The following PFN4 variants were observed in gnomAD, a reference collection of about 807,000 sequenced individuals.
The protein encoded by PFN4 is profilin family member 4.
PFN4 carries 10 observed loss-of-function variants against 16.3 expected under a neutral mutation model. That is an observed-to-expected ratio of 0.61 (90% CI 0.38 to 1.04). The LOEUF is 1.04. PFN4 is among the 50% of genes least tolerant of loss of function. The pLI, the probability that PFN4 is intolerant of heterozygous loss-of-function variation, is 0.01. For synonymous variants in PFN4, 54 were observed against 56.9 expected (o/e 0.95, Z 0.23); for missense variants, 136 against 153.6 (o/e 0.89, Z 0.61).
intron 4 of PFN4, among the ~76,000 whole-genome samples, chr2:24,116,371 T>C (rs1178732111): frequency 6.6e-6 from 1 of 151,990 alleles, no homozygotes; most frequent in Non-Finnish European, 1.5e-5. Flanking sequence ...TGTACTCACG[T>C]TTTAAAGATG....
intron 3 of PFN4, 149 bp from the exon 4 acceptor site, chr2:24,119,831 G>A (rs1292128866): frequency 1.7e-6 from 1 of 596,894 alleles, no homozygotes; most frequent in East Asian, 2.9e-5. Context: ...TTTTCCATAT[G>A]TTTATATATC....
Position 24,123,098 on chromosome 2 carries a change from T to A in PFN4, c.-13+20A>T, listed in dbSNP as rs1183099584. 6.6e-6 allele frequency: 1 copy of A among 152,344 alleles called. No individual in the cohort carries two copies. Among genetic ancestry groups the A allele is most frequent in the Non-Finnish European group, 1.5e-5 (1 of 68,234 alleles). The allele number at this position is 152,344 out of a possible 1,614,324, so 9.4% of individuals were successfully genotyped here. On this transcript the variant is annotated intron_variant, in intron 1 of 4. Transcript: ENST00000313213. ...ATTTCCCGCACAAGTCCCCAAGCCT[T>A]GGACCCCCCTCATCAGGACCTCCGG...
At chr2:24,115,682 T>C in intron 4 of PFN4, 71 bp from the exon 5 acceptor site, 2 of 1,530,416 alleles carry the variant, frequency 1.3e-6, no homozygotes, top group Admixed American at 3.4e-5. Context: ...CATTCATCCA[T>C]TTATTATTCC....
intron 3 of PFN4, 140 bp from the exon 4 acceptor site, chr2:24,119,822 T>A: frequency 1.7e-6 from 1 of 605,174 alleles, no homozygotes; most frequent in Non-Finnish European, 2.8e-6. Context: ...CCGTATATAT[T>A]TTCCATATGT....
intron 4 of PFN4, among the ~76,000 whole-genome samples, chr2:24,116,166 A>G (rs1665910259): frequency 6.6e-6 from 1 of 151,982 alleles, no homozygotes; most frequent in Admixed American, 6.6e-5. Context: ...ATCTCTACTA[A>G]AAATACAAAA....
chr2:24,120,223 C>T (rs556795872), intron 3 of PFN4, among the ~76,000 whole-genome samples: 52 of 151,748 alleles, frequency 3.4e-4, no homozygotes, highest in Non-Finnish European at 5.3e-4. Flanking sequence ...GAGCCGAGAT[C>T]GTGCCATTGC....
At chr2:24,119,308 A>G (rs1174053575) in intron 4 of PFN4, among the ~76,000 whole-genome samples, 1 of 152,204 alleles carries the variant, frequency 6.6e-6, no homozygotes, top group Non-Finnish European at 1.5e-5. Flanking sequence ...GATATCAGCC[A>G]GGAAAGGAAA....
chr2:24,116,855 T>G (rs750145821), intron 4 of PFN4, among the ~76,000 whole-genome samples: 1 of 149,524 alleles, frequency 6.7e-6, no homozygotes, highest in Non-Finnish European at 1.5e-5. Context: ...TTAGCCTGGC[T>G]GATAGAATGA....
At chr2:24,122,368 A>G (rs529152056) in intron 2 of PFN4, 51 bp downstream of exon 2, 3 of 1,325,050 alleles carry the variant, frequency 2.3e-6, no homozygotes, top group Non-Finnish European at 2.1e-6. Flanking sequence ...TTTTGGAAGA[A>G]TAGAAATAAT....
chr2:24,120,562 A>AT (rs1455242098), intron 3 of PFN4, among the ~76,000 whole-genome samples: 1 of 139,448 alleles, frequency 7.2e-6, no homozygotes, highest in Non-Finnish European at 1.6e-5. Flanking sequence ...TTTTTTTAAA[A>AT]TTTTTTTTTT....
intron 4 of PFN4, 107 bp from the exon 5 acceptor site, chr2:24,115,718 G>T: frequency 2.4e-6 from 3 of 1,240,334 alleles, no homozygotes; most frequent in Non-Finnish European, 3.5e-6. Flanking sequence ...TGACTGCCAT[G>T]TGCTAGGCAC....
intron 2 of PFN4, among the ~76,000 whole-genome samples, chr2:24,121,606 T>G (rs1279812454): frequency 6.6e-6 from 1 of 152,206 alleles, no homozygotes; most frequent in African/African-American, 2.4e-5. Context: ...TACGGCCCTG[T>G]GCTATAGTTT....
intron 4 of PFN4, among the ~76,000 whole-genome samples, chr2:24,117,354 C>A (rs1665953583): frequency 6.6e-6 from 1 of 151,984 alleles, no homozygotes; most frequent in South Asian, 2.1e-4. Flanking sequence ...GCATCCTTTT[C>A]CTGTCTATTT....
At chr2:24,117,217 T>G (rs1221667167) in intron 4 of PFN4, among the ~76,000 whole-genome samples, 1 of 152,076 alleles carries the variant, frequency 6.6e-6, no homozygotes, top group Non-Finnish European at 1.5e-5. Context: ...GGTTTCACCA[T>G]GTTTTCCAGG....
Position 24,115,544 on chromosome 2 carries a change from C to A in PFN4, c.*39G>T. 6.3e-7 allele frequency: 1 copy of A among 1,578,814 alleles called. No homozygotes were observed. Among genetic ancestry groups the A allele is most frequent in the Non-Finnish European group, 8.7e-7 (1 of 1,154,088 alleles). On this transcript the variant is annotated 3_prime_UTR_variant, in exon 5 of 5. Transcript: ENST00000313213. Reference sequence around the variant, plus strand: ...TTTCTTTAGGCTCTTCAATTTTCTTCTAAAATAATAAAATTGTCTTTCATG... The same window carrying A: ...TTTCTTTAGGCTCTTCAATTTTCTTATAAAATAATAAAATTGTCTTTCATG...
Position 24,122,427 on chromosome 2 carries a change from C to T in PFN4, c.109G>A (p.Gly37Ser). The change falls in exon 2 of 5, where the codon GGT (glycine) becomes AGT (serine). Residue 37 changes from glycine to serine, a missense_variant. Transcript: ENST00000313213. Reference protein sequence around the residue: ...QERSLCVASPGFNVTPSDVRT... With the variant: ...QERSLCVASPSFNVTPSDVRT... ...AACTTGTTTTTTCTTACATTGAAACCTGGTGATGCTACACACAAGCTCCGC... is the reference window on the plus strand; with the variant it reads ...AACTTGTTTTTTCTTACATTGAAACTTGGTGATGCTACACACAAGCTCCGC... 1.9e-6 allele frequency: 3 copies of T among 1,610,736 alleles called. No homozygotes were observed. The highest frequency in any genetic ancestry group is 2.5e-6 in the Non-Finnish European group (3 of 1,177,394).
At chr2:24,120,013 A>T (rs1189588129) in intron 3 of PFN4, among the ~76,000 whole-genome samples, 2 of 152,186 alleles carry the variant, frequency 1.3e-5, no homozygotes, top group African/African-American at 4.8e-5. Context: ...TCCCGCCTGT[A>T]ATCCCAGCAC....
intron 2 of PFN4, 41 bp from the exon 3 acceptor site, chr2:24,121,341 T>C (rs755877899): frequency 1.3e-6 from 2 of 1,579,268 alleles, no homozygotes; most frequent in Non-Finnish European, 1.7e-6. Context: ...CAGCCAACTA[T>C]GGCTGGTGGC....
At chr2:24,117,474 G>A (rs1038434450) in intron 4 of PFN4, among the ~76,000 whole-genome samples, 6 of 148,644 alleles carry the variant, frequency 4.0e-5, no homozygotes, top group African/African-American at 1.2e-4. Context: ...ACAGAGTCTC[G>A]CTGTGACGCC....
Sources: gnomAD v4.1 joint callset for allele counts (sites outside exome capture counted in the v4.1 genomes callset) on GRCh38, gnomAD v4.1.1 for gene constraint, MANE v1.5 for transcripts, NCBI Gene and HGNC (gene_info 2026-07-23, HGNC 2026-07-21) for gene names.